The following TIAM1 variants were observed in gnomAD, a reference collection of about 807,000 sequenced individuals.
The protein encoded by TIAM1 is TIAM Rac1 associated GEF 1.
Under a neutral mutation model 163.5 loss-of-function variants are expected in TIAM1, and 65 were observed. That is an observed-to-expected ratio of 0.40 (90% confidence interval 0.33 to 0.49). The LOEUF (loss-of-function observed/expected upper bound fraction) is 0.49, where lower values mean the gene tolerates loss of function less well. Ranked by LOEUF, TIAM1 falls within the 20% of genes least tolerant of loss-of-function variation. The pLI, the probability that TIAM1 is intolerant of heterozygous loss-of-function variation, is 0.77. For synonymous variants in TIAM1, 833 were observed against 810.1 expected, an observed-to-expected ratio of 1.03 and a Z score of -0.48; for missense variants, 1,789 against 2,044.7, an observed-to-expected ratio of 0.87 and a Z score of 2.41.
chr21:31,342,422 T>C (rs1443741379), intron 1 of TIAM1, among the ~76,000 whole-genome samples: 2 of 152,210 alleles, frequency 1.3e-5, no homozygotes, highest in Non-Finnish European at 2.9e-5. Context: ...CACGGTCATA[T>C]ACTAGCATTA....
At chr21:31,140,311 T>C (rs2082791134) in intron 22 of TIAM1, among the ~76,000 whole-genome samples, 1 of 152,186 alleles carries the variant, frequency 6.6e-6, no homozygotes, top group Non-Finnish European at 1.5e-5. Context: ...TTCCCACATT[T>C]TCTCTTTTTT....
intron 1 of TIAM1, among the ~76,000 whole-genome samples, chr21:31,483,389 A>G (rs940571886): frequency 4.6e-5 from 7 of 152,136 alleles, no homozygotes; most frequent in Non-Finnish European, 1.0e-4. Flanking sequence ...TTTAGTCTCA[A>G]TGTTAAGACA....
At chr21:31,245,255 C>T (rs1318908174) in intron 6 of TIAM1, among the ~76,000 whole-genome samples, 1 of 151,856 alleles carries the variant, frequency 6.6e-6, no homozygotes. Flanking sequence ...TCATAGCCCT[C>T]CTTAGCCTTC....
chr21:31,332,447 TAAG>T (rs1013584231), intron 2 of TIAM1, among the ~76,000 whole-genome samples: 3 of 152,248 alleles, frequency 2.0e-5, no homozygotes, highest in African/African-American at 7.2e-5. Context: ...GAGCCCAGGA[TAAG>T]AACTTTGGTC....
rs115400377 is a variant in TIAM1, at chr21:31,509,600, C to T, written c.-421-45565G>A. Among the ~76,000 whole-genome samples the T allele has an allele frequency of 2.6e-3, 397 of 152,332 alleles. 1 individual carries two copies. The highest frequency in any genetic ancestry group is 9.1e-3 in the African/African-American group (380 of 41,580). On this transcript the variant is annotated intron_variant, in intron 1 of 28. Transcript: ENST00000286827. Reference sequence around the variant, plus strand: ...CATGCCTCATCTCCTTCCCGAGGCACGCCTCTCTCAGTCCCCTGCAGGCAT... The same window carrying T: ...CATGCCTCATCTCCTTCCCGAGGCATGCCTCTCTCAGTCCCCTGCAGGCAT...
chr21:31,509,013 C>G (rs2047124479), intron 1 of TIAM1, among the ~76,000 whole-genome samples: 1 of 152,160 alleles, frequency 6.6e-6, no homozygotes, highest in Non-Finnish European at 1.5e-5. Flanking sequence ...TCTAGAGAAG[C>G]CAGCAAGAGG....
intron 1 of TIAM1, among the ~76,000 whole-genome samples, chr21:31,531,559 A>T (rs529989505): frequency 2.0e-5 from 3 of 152,306 alleles, no homozygotes; most frequent in Non-Finnish European, 4.4e-5. Flanking sequence ...AAAAAAGAAG[A>T]GGAAGAAACA....
Position 31,141,465 on chromosome 21 carries a change from T to C in TIAM1, c.3515A>G (p.Gln1172Arg). 6 of 1,614,190 alleles carry C rather than the reference T, an allele frequency of 3.7e-6. No individual in the cohort carries two copies. Among genetic ancestry groups the C allele is most frequent in the Non-Finnish European group, 5.1e-6 (6 of 1,180,034 alleles). Residue 1172 changes from glutamine to arginine, a missense_variant, in exon 21 of 28, where the codon CAG (glutamine) becomes CGG (arginine). Physicochemically the swap from Gln to Arg is conservative, Grantham distance 43. Around this residue, in one of 5 missense-constraint regions of TIAM1, gnomAD observed 60 missense variants for 132.6 expected, o/e 0.45. Transcript: ENST00000541036. The surrounding 1 kb of genome is among the most constrained non-coding windows in gnomAD (Gnocchi z 4.7). ...GGATGAGTGCTGCTGCTTCGGGTTC[T>C]GGGCATCCAAGAATGCCTTGAAAGC... Reference protein sequence around the residue: ...DTAFKAFLDAQNPKQQHSSTL... With the variant: ...DTAFKAFLDARNPKQQHSSTL...
At chr21:31,530,451 C>T (rs1348541958) in intron 1 of TIAM1, among the ~76,000 whole-genome samples, 1 of 152,256 alleles carries the variant, frequency 6.6e-6, no homozygotes, top group African/African-American at 2.4e-5. Flanking sequence ...GCTATTCTGT[C>T]TCCCTTCACA....
chr21:31,331,205 C>G (rs961753690), intron 2 of TIAM1, among the ~76,000 whole-genome samples: 1 of 152,176 alleles, frequency 6.6e-6, no homozygotes, highest in Non-Finnish European at 1.5e-5. Flanking sequence ...AAGATGCCTA[C>G]AAATTTCTGG....
intron 11 of TIAM1, among the ~76,000 whole-genome samples, chr21:31,209,334 C>G (rs1171190285): frequency 1.3e-5 from 2 of 152,210 alleles, no homozygotes; most frequent in Non-Finnish European, 2.9e-5. Flanking sequence ...TCCTCTCTCT[C>G]CCCTCACTCA....
chr21:31,257,507 C>T (rs1454230531), intron 4 of TIAM1, among the ~76,000 whole-genome samples: 2 of 152,140 alleles, frequency 1.3e-5, no homozygotes, highest in Admixed American at 6.5e-5. Context: ...AGTCATCCCT[C>T]CCCTCCCTCC....
At chr21:31,337,527 A>G (rs923344778) in intron 2 of TIAM1, among the ~76,000 whole-genome samples, 5 of 149,694 alleles carry the variant, frequency 3.3e-5, no homozygotes, top group Admixed American at 2.0e-4. Flanking sequence ...TGTTATTATT[A>G]TTATTATTAT....
chr21:31,487,352 C>T (rs150006028), intron 1 of TIAM1, among the ~76,000 whole-genome samples: 6 of 152,244 alleles, frequency 3.9e-5, no homozygotes, highest in Non-Finnish European at 8.8e-5. Flanking sequence ...TTTCCTTTGC[C>T]AGAAACCAGG....
chr21:31,478,609 CTTTT>C (rs1236354259), intron 1 of TIAM1, among the ~76,000 whole-genome samples: 1 of 152,204 alleles, frequency 6.6e-6, no homozygotes, highest in African/African-American at 2.4e-5. Context: ...AATAAAGCTT[CTTTT>C]TGTTTTTCTT....
At chr21:31,281,085 C>CAAAAAAAAAAAAAAAAAAAAAAAAAAA (rs748020575) in intron 2 of TIAM1, among the ~76,000 whole-genome samples, 1 of 63,758 alleles carries the variant, frequency 1.6e-5, no homozygotes. Context: ...GACCCTAACT[C>CAAAAAAAAAAAAAAAAAAAAAAAAAAA]AAAAAAAAAA....
intron 9 of TIAM1, among the ~76,000 whole-genome samples, chr21:31,216,118 C>T (rs1194096526): frequency 3.9e-5 from 6 of 152,038 alleles, no homozygotes; most frequent in African/African-American, 1.4e-4. Context: ...TGCGGTTAGC[C>T]GAGATTGCAC....
chr21:31,494,714 A>C (rs1324636147), intron 1 of TIAM1, among the ~76,000 whole-genome samples: 1 of 152,150 alleles, frequency 6.6e-6, no homozygotes, highest in Non-Finnish European at 1.5e-5. Context: ...GTGGTGGCAC[A>C]TGCCTGTAGT....
intron 12 of TIAM1, among the ~76,000 whole-genome samples, chr21:31,202,513 C>G (rs1321246667): frequency 6.6e-6 from 1 of 152,174 alleles, no homozygotes; most frequent in Non-Finnish European, 1.5e-5. Context: ...TTGAGGTGAG[C>G]TATGATCACA....
Sources: gnomAD v4.1 joint callset for allele counts (sites outside exome capture counted in the v4.1 genomes callset) on GRCh38, gnomAD v4.1.1 for gene constraint, gnomAD v4.1.1 regional missense constraint, Gnocchi (gnomAD v3.1) non-coding constraint, MANE v1.5 for transcripts, NCBI Gene and HGNC (gene_info 2026-07-23, HGNC 2026-07-21) for gene names.